STK3: variants seen among roughly 807,000 people sequenced by gnomAD.
STK3 encodes the protein serine/threonine kinase 3.
STK3 carries 41 observed loss-of-function variants against 58.0 expected under a neutral mutation model. That is an observed-to-expected ratio of 0.71 (90% CI 0.55 to 0.92). The LOEUF (loss-of-function observed/expected upper bound fraction) is 0.92, where lower values mean the gene tolerates loss of function less well. Ranked by LOEUF, STK3 falls within the 40% of genes least tolerant of loss-of-function variation. STK3 has a pLI of 0.00. For missense variants in STK3, 479 were observed against 602.7 expected (o/e 0.79, Z 2.15); for synonymous variants, 170 against 191.0 (o/e 0.89, Z 0.91).
At chr8:98,867,424 AT>A (rs905427051) in intron 3 of STK3, among the ~76,000 whole-genome samples, 3 of 152,122 alleles carry the variant, frequency 2.0e-5, no homozygotes, top group Non-Finnish European at 2.9e-5. Context: ...CGAAAAAATA[AT>A]TTTTTTAAAA....
chr8:98,662,924 C>G (rs1019509594), intron 6 of STK3, among the ~76,000 whole-genome samples: 1 of 151,604 alleles, frequency 6.6e-6, no homozygotes, highest in Non-Finnish European at 1.5e-5. Context: ...ACCATAAAAA[C>G]CCTAGAAGAA....
chr8:98,526,809 G>A lies in STK3; in HGVS notation c.1250C>T (p.Pro417Leu). 1 of 1,591,418 alleles carries A rather than the reference G, an allele frequency of 6.3e-7. No homozygotes were observed. The highest frequency in any genetic ancestry group is 8.6e-7 in the Non-Finnish European group (1 of 1,166,428). Residue 417 changes from proline (P) to leucine (L), a missense_variant, in exon 10 of 11, where the codon CCC (proline) becomes CTC (leucine). This residue lies in a region of STK3 where 309 missense variants were observed against 355.7 expected (regional missense o/e 0.87). Coordinates refer to ENST00000419617, the MANE Select transcript of STK3 (RefSeq NM_006281.4). ...AAAAACGTTTTTGGACATAGGGAAG[G>A]GTTCATGCATGTTCTGATTACAGTT... ...HENCNQNMHE[P>L]FPMSKNVFPD...
intron 3 of STK3, among the ~76,000 whole-genome samples, chr8:98,754,805 C>T (rs935373833): frequency 2.0e-5 from 3 of 151,104 alleles, no homozygotes; most frequent in Admixed American, 1.3e-4. Flanking sequence ...CCACCATGCC[C>T]GCCAAAAAAA....
Position 98,521,066 on chromosome 8 carries a change from G to A in STK3, c.1317+5676C>T, listed in dbSNP as rs183417131. ...TCTTATTTATTTCCATTTCCATTCC[G>A]CTCAGTGGCGATTACAAACATTTTC... On this transcript the variant is annotated intron_variant, in intron 10 of 10. Coordinates refer to ENST00000419617, the MANE Select transcript of STK3 (RefSeq NM_006281.4). 1.5e-3 allele frequency among the ~76,000 whole-genome samples: 234 copies of A among 151,856 alleles called. 1 individual carries two copies. The highest frequency in any genetic ancestry group is 3.5e-3 in the Admixed American group (54 of 15,240).
intron 2 of STK3, chr8:98,434,438 GTTA>G (rs1818413627): frequency 6.6e-6 from 1 of 152,172 alleles, no homozygotes. Context: ...CATGTACACG[GTTA>G]TTATCTCCTC....
chr8:98,534,866 C>T (rs999280024), intron 9 of STK3, among the ~76,000 whole-genome samples: 4 of 152,154 alleles, frequency 2.6e-5, no homozygotes, highest in Non-Finnish European at 5.9e-5. Flanking sequence ...GCTCAACTTA[C>T]ACATATTTTT....
At chr8:98,741,272 C>A (rs1348835843) in intron 4 of STK3, among the ~76,000 whole-genome samples, 1 of 152,164 alleles carries the variant, frequency 6.6e-6, no homozygotes, top group Non-Finnish European at 1.5e-5. Context: ...AACTCTCCAC[C>A]CCAAATCAAC....
intron 6 of STK3, among the ~76,000 whole-genome samples, chr8:98,621,183 G>A (rs1003548925): frequency 1.2e-4 from 18 of 152,056 alleles, no homozygotes; most frequent in African/African-American, 2.2e-4. Flanking sequence ...CTCGTGATCC[G>A]CCCGCCTCGG....
intron 1 of STK3, among the ~76,000 whole-genome samples, chr8:98,911,063 G>T (rs1180056957): frequency 6.6e-6 from 1 of 152,126 alleles, no homozygotes; most frequent in Non-Finnish European, 1.5e-5. Flanking sequence ...GCTGGAAAAA[G>T]GTTACCACTA....
At chr8:98,617,318 T>C (rs1817834660) in intron 6 of STK3, among the ~76,000 whole-genome samples, 1 of 140,244 alleles carries the variant, frequency 7.1e-6, no homozygotes, top group Non-Finnish European at 1.5e-5. Flanking sequence ...AAGCAGTGTG[T>C]AGAGGGAAAT....
chr8:98,555,832 C>T (rs956169872), intron 8 of STK3, among the ~76,000 whole-genome samples: 1 of 151,792 alleles, frequency 6.6e-6, no homozygotes, highest in South Asian at 2.1e-4. Context: ...CAAAACGGAG[C>T]TATGGTAATA....
intron 10 of STK3, among the ~76,000 whole-genome samples, chr8:98,480,731 C>T (rs1400192410): frequency 6.6e-6 from 1 of 152,196 alleles, no homozygotes; most frequent in Non-Finnish European, 1.5e-5. Context: ...GTATGCTGTA[C>T]ACGACTGTCC....
chr8:98,863,897 T>TA (rs1025142659), intron 3 of STK3, among the ~76,000 whole-genome samples: 1 of 151,946 alleles, frequency 6.6e-6, no homozygotes, highest in South Asian at 2.1e-4. Context: ...GAAAGCTCCT[T>TA]AAAAAAAGTC....
chr8:98,360,328 G>A, the STK3 span, among the ~76,000 whole-genome samples: 1 of 152,106 alleles, frequency 6.6e-6, no homozygotes, highest in Non-Finnish European at 1.5e-5. Context: ...GTAACTCCCT[G>A]CAGACCTGCC....
chr8:98,613,634 C>T (rs1331810610), intron 6 of STK3, among the ~76,000 whole-genome samples: 1 of 151,058 alleles, frequency 6.6e-6, no homozygotes, highest in East Asian at 1.9e-4. Flanking sequence ...AATCAAGTAA[C>T]CCACAGGAAG....
At chr8:98,827,591 TA>T (rs1360943142), upstream of STK3, among the ~76,000 whole-genome samples, 1 of 152,210 alleles carries the variant, frequency 6.6e-6, no homozygotes, top group Non-Finnish European at 1.5e-5. Flanking sequence ...TATTCTTTCC[TA>T]AATTTAGTTA....
chr8:98,529,933 A>T (rs1280047227), intron 9 of STK3, among the ~76,000 whole-genome samples: 1 of 152,126 alleles, frequency 6.6e-6, no homozygotes, highest in African/African-American at 2.4e-5. Context: ...AGATGAAAAG[A>T]GTTATGGAAA....
At chr8:98,713,005 G>A (rs1826642700) in intron 4 of STK3, among the ~76,000 whole-genome samples, 1 of 152,160 alleles carries the variant, frequency 6.6e-6, no homozygotes, top group Non-Finnish European at 1.5e-5. Flanking sequence ...CAACTACATG[G>A]AAACTGAACA....
intron 6 of STK3, among the ~76,000 whole-genome samples, chr8:98,596,619 T>C (rs919087080): frequency 1.3e-5 from 2 of 152,172 alleles, no homozygotes; most frequent in African/African-American, 4.8e-5. Context: ...ACTGCTATAA[T>C]TTGAAATAAT....
Sources: gnomAD v4.1 joint callset for allele counts (sites outside exome capture counted in the v4.1 genomes callset) on GRCh38, gnomAD v4.1.1 for gene constraint, gnomAD v4.1.1 regional missense constraint, MANE v1.5 for transcripts, NCBI Gene and HGNC (gene_info 2026-07-23, HGNC 2026-07-21) for gene names.